RIGI: variants seen among roughly 807,000 people sequenced by gnomAD.
The protein encoded by RIGI is RNA sensor RIG-I.
At chr9:32,518,127 A>C in the RIGI span, among the ~76,000 whole-genome samples, 1 of 150,432 alleles carries the variant, frequency 6.6e-6, no homozygotes, top group African/African-American at 2.5e-5. Flanking sequence ...TATATATAAA[A>C]TGTGCAAAAG....
the RIGI span, chr9:32,487,653 T>G: frequency 1.9e-5 from 30 of 1,607,022 alleles, no homozygotes; most frequent in Non-Finnish European, 2.6e-5. Context: ...GCATTCAAAA[T>G]CATTAGATGT....
the RIGI span, among the ~76,000 whole-genome samples, chr9:32,522,547 C>T: frequency 6.6e-6 from 1 of 152,072 alleles, no homozygotes; most frequent in Non-Finnish European, 1.5e-5. Flanking sequence ...TTTTGCTGCA[C>T]TTTGTGTGGG....
chr9:32,485,913 G>A, the RIGI span, among the ~76,000 whole-genome samples: 1 of 152,026 alleles, frequency 6.6e-6, no homozygotes, highest in South Asian at 2.1e-4. Context: ...CTCTGCAAGT[G>A]CCACAATCTA....
At chr9:32,464,353 A>T in the RIGI span, among the ~76,000 whole-genome samples, 1 of 152,096 alleles carries the variant, frequency 6.6e-6, no homozygotes, top group African/African-American at 2.4e-5. Context: ...TTAAGAATAT[A>T]AGATTTTCCC....
chr9:32,463,119 T>A, the RIGI span, among the ~76,000 whole-genome samples: 7 of 152,110 alleles, frequency 4.6e-5, no homozygotes, highest in Admixed American at 4.6e-4. Flanking sequence ...CTCAAAAAAA[T>A]AAATAAGAAA....
chr9:32,520,787 G>A, the RIGI span, among the ~76,000 whole-genome samples: 103 of 151,948 alleles, frequency 6.8e-4, no homozygotes, highest in Non-Finnish European at 1.2e-3. Context: ...ATAGGAAATC[G>A]TAAAACGTTA....
At chr9:32,489,491 C>T in the RIGI span, 1 of 1,345,238 alleles carries the variant, frequency 7.4e-7, no homozygotes, top group Admixed American at 1.8e-5. Flanking sequence ...ACAGTTCCTG[C>T]TCTGAGGAAT....
At chr9:32,462,120 T>G in the RIGI span, among the ~76,000 whole-genome samples, 551 of 152,328 alleles carry the variant, frequency 3.6e-3, 4 homozygotes, top group African/African-American at 0.012. Flanking sequence ...TGTGATCTAC[T>G]GGCACTGAAG....
the RIGI span, chr9:32,485,531 CT>C: frequency 0.097 from 30,155 of 312,172 alleles, 84 homozygotes; most frequent in African/African-American, 0.13. Flanking sequence ...TAACTAGCTT[CT>C]TTTTTTTTTT....
chr9:32,500,666 A>G, the RIGI span: 1 of 1,021,500 alleles, frequency 9.8e-7, no homozygotes, highest in Non-Finnish European at 1.4e-6. Flanking sequence ...ATCTGCCTAA[A>G]AACAGTCTTT....
At chr9:32,488,301 CCT>C in the RIGI span, 6 of 1,332,018 alleles carry the variant, frequency 4.5e-6, no homozygotes, top group African/African-American at 1.5e-5. Flanking sequence ...TTAAATTCTC[CCT>C]GAGTCCAAAA....
At chr9:32,464,566 T>C in the RIGI span, among the ~76,000 whole-genome samples, 6 of 152,138 alleles carry the variant, frequency 3.9e-5, no homozygotes, top group Non-Finnish European at 7.4e-5. Flanking sequence ...ATTTTTTGTA[T>C]TTTTAGTAGA....
the RIGI span, among the ~76,000 whole-genome samples, chr9:32,493,002 A>G: frequency 6.6e-6 from 1 of 152,142 alleles, no homozygotes; most frequent in Non-Finnish European, 1.5e-5. Flanking sequence ...TACTTTACAT[A>G]TATTATCTCA....
chr9:32,511,604 CA>C, the RIGI span, among the ~76,000 whole-genome samples: 1 of 152,102 alleles, frequency 6.6e-6, no homozygotes, highest in African/African-American at 2.4e-5. Flanking sequence ...AAATTTATAG[CA>C]CTAAATGCCC....
chr9:32,504,068 C>CACACACACACACACACACACACACACACA, the RIGI span, among the ~76,000 whole-genome samples: 3 of 151,210 alleles, frequency 2.0e-5, no homozygotes, highest in African/African-American at 7.3e-5. Context: ...CACACACACA[C>CACACACACACACACACACACACACACACA]CCAGGTCTGC....
the RIGI span, among the ~76,000 whole-genome samples, chr9:32,460,031 G>A: frequency 6.6e-6 from 1 of 152,256 alleles, no homozygotes; most frequent in African/African-American, 2.4e-5. Flanking sequence ...CCCAGGGGGA[G>A]GTAATTGAAT....
chr9:32,474,188 G>A, the RIGI span, among the ~76,000 whole-genome samples: 12 of 124,578 alleles, frequency 9.6e-5, no homozygotes, highest in South Asian at 3.5e-3. Flanking sequence ...GGCAATGAGA[G>A]TGAGACCCTG....
At chr9:32,485,170 C>T in the RIGI span, 1 of 1,582,718 alleles carries the variant, frequency 6.3e-7, no homozygotes, top group Non-Finnish European at 8.6e-7. Context: ...TGAGATTTAT[C>T]TCACCGAGGT....
chr9:32,485,432 G>A, the RIGI span: 390 of 653,554 alleles, frequency 6.0e-4, 1 homozygote, highest in Non-Finnish European at 8.7e-4. Context: ...CTGGCAGGTG[G>A]TCCAGATGAT....
Sources: allele counts gnomAD v4.1 joint callset (sites outside exome capture counted in the v4.1 genomes callset), GRCh38; gene constraint gnomAD v4.1.1; transcripts MANE v1.5; gene names NCBI Gene and HGNC (gene_info 2026-07-23, HGNC 2026-07-21).